The following LDHC variants were observed in gnomAD, a reference collection of about 807,000 sequenced individuals.
The protein encoded by LDHC is lactate dehydrogenase C, also known as L-lactate dehydrogenase C chain.
Under a neutral mutation model 30.2 loss-of-function variants are expected in LDHC, and 20 were observed. That is an observed-to-expected ratio of 0.66 (90% CI 0.47 to 0.96). The LOEUF (loss-of-function observed/expected upper bound fraction) is 0.96. LDHC is among the 40% of genes least tolerant of loss of function. The pLI is 0.00. For missense variants in LDHC, 362 were observed against 394.9 expected, an observed-to-expected ratio of 0.92 and a Z score of 0.71; for synonymous variants, 139 against 132.7, an observed-to-expected ratio of 1.05 and a Z score of -0.32.
intron 6 of LDHC, among the ~76,000 whole-genome samples, chr11:18,442,930 C>A (rs1292089390): frequency 1.3e-5 from 2 of 151,978 alleles, no homozygotes; most frequent in Non-Finnish European, 2.9e-5. Flanking sequence ...CCTGAAGCCA[C>A]CACGCAGTTT....
Position 18,419,301 on chromosome 11 carries a change from C to T in LDHC, c.244+4000C>T, listed in dbSNP as rs569288023. On this transcript the variant is annotated intron_variant, in intron 3 of 7. Coordinates refer to ENST00000541669, the MANE Select transcript of LDHC (RefSeq NM_017448.5). The stretch of plus-strand genomic sequence containing the variant: ...AACACAGGTGGTAGACCAGATATCG[C>T]TTGTCTGCCAACAGTAGTTTACCAT... 1.1e-3 allele frequency among the ~76,000 whole-genome samples: 173 copies of T among 152,352 alleles called. 1 individual carries two copies. Among genetic ancestry groups the T allele is most frequent in the Middle Eastern group, 3.4e-3 (1 of 294 alleles).
intron 4 of LDHC, among the ~76,000 whole-genome samples, chr11:18,434,385 C>T (rs1433500716): frequency 6.6e-6 from 1 of 152,018 alleles, no homozygotes; most frequent in African/African-American, 2.4e-5. Context: ...GTTGACGAGC[C>T]TTCTTTTGTT....
At position 18,429,936 on chromosome 11, in the gene LDHC, T is replaced by C. The variant is rs1848234915; in HGVS notation, c.418+26T>C. 5 of 1,416,652 alleles carry C rather than the reference T, an allele frequency of 3.5e-6. No individual in the cohort carries two copies. In the East Asian group the frequency reaches 1.1e-4, roughly 33 times the overall value. 87.8% of individuals were successfully genotyped at this position (1,416,652 alleles called of 1,614,324 possible). ...GTGAGTCTTCTCTCTTCCATTCTAT[T>C]GCATAAGGATGATCTTTCCATACCA... On this transcript the variant is annotated intron_variant, in intron 4 of 7. Transcript: ENST00000541669.
intron 3 of LDHC, among the ~76,000 whole-genome samples, chr11:18,428,579 A>G (rs2134057147): frequency 6.6e-6 from 1 of 152,198 alleles, no homozygotes; most frequent in Admixed American, 6.5e-5. Flanking sequence ...GCTTTTTAAA[A>G]AAGTCCAGTA....
chr11:18,420,094 G>A (rs2658553), intron 3 of LDHC, among the ~76,000 whole-genome samples: 115,191 of 151,588 alleles, frequency 0.76, 44,145 homozygotes, highest in East Asian at 0.95. Flanking sequence ...CTCCGTCTTA[G>A]AACAACAACA....
At chr11:18,436,481 G>GT (rs35976847) in intron 5 of LDHC, among the ~76,000 whole-genome samples, 58,796 of 107,950 alleles carry the variant, frequency 0.54, 17,692 homozygotes, top group South Asian at 0.69. Context: ...ATAATACAAA[G>GT]TTTTTTTTTT....
intron 3 of LDHC, among the ~76,000 whole-genome samples, chr11:18,421,123 A>T (rs1236125903): frequency 6.6e-6 from 1 of 151,994 alleles, no homozygotes. Flanking sequence ...GTGTGATCTC[A>T]GCTCTCTGCA....
At chr11:18,444,889 T>C (rs1041645765) in intron 6 of LDHC, among the ~76,000 whole-genome samples, 1 of 151,756 alleles carries the variant, frequency 6.6e-6, no homozygotes, top group African/African-American at 2.4e-5. Context: ...AAATATTAAT[T>C]GTAGGAAATA....
intron 3 of LDHC, among the ~76,000 whole-genome samples, chr11:18,417,504 C>T (rs916942383): frequency 1.3e-5 from 2 of 152,092 alleles, no homozygotes; most frequent in African/African-American, 2.4e-5. Flanking sequence ...GGTGATCCTC[C>T]CACCTCACCC....
chr11:18,434,989 C>T (rs73438668), intron 5 of LDHC, 76 bp downstream of exon 5: 135,569 of 1,007,844 alleles, frequency 0.13, 9,650 homozygotes, highest in African/African-American at 0.22. Context: ...AAAGTTTTTT[C>T]CCTGATATTA....
chr11:18,434,407 G>A (rs771984167), intron 4 of LDHC, among the ~76,000 whole-genome samples: 25 of 152,088 alleles, frequency 1.6e-4, no homozygotes, highest in Non-Finnish European at 2.8e-4. Context: ...TATTACCAAA[G>A]TTGGTTTTCT....
chr11:18,413,718 C>T (rs958897106), intron 2 of LDHC, among the ~76,000 whole-genome samples: 1 of 152,160 alleles, frequency 6.6e-6, no homozygotes, highest in Non-Finnish European at 1.5e-5. Context: ...GCCTCAGCCT[C>T]CCAAAGTGCT....
In LDHC at chr11:18,451,084, G is replaced by A; in HGVS notation, c.956G>A (p.Ser319Asn). The A allele has an allele frequency of 6.4e-7, 1 of 1,569,448 alleles. No homozygotes were observed. The highest frequency in any genetic ancestry group is 8.6e-7 in the Non-Finnish European group (1 of 1,164,934). Residue 319 changes from serine to asparagine, a missense_variant, in exon 8 of 8, where the codon AGT becomes AAT. Physicochemically the swap from Ser to Asn is conservative, Grantham distance 46. Transcript: ENST00000541669. ...NSEEEALFKK[S>N]AETLWNIQKD... is the part of the protein sequence containing the mutation. ...GAGGAGGAGGCCCTTTTCAAGAAGAGTGCAGAAACACTTTGGAATATTCAA... is the reference window on the plus strand; with the variant it reads ...GAGGAGGAGGCCCTTTTCAAGAAGAATGCAGAAACACTTTGGAATATTCAA...
chr11:18,438,225 G>A (rs982017065), intron 5 of LDHC, among the ~76,000 whole-genome samples: 5 of 152,148 alleles, frequency 3.3e-5, no homozygotes, highest in African/African-American at 1.2e-4. Context: ...GTGTCACATA[G>A]TGAGGGCAGA....
At chr11:18,435,563 C>G (rs562065767) in intron 5 of LDHC, among the ~76,000 whole-genome samples, 43 of 152,184 alleles carry the variant, frequency 2.8e-4, no homozygotes, top group African/African-American at 9.4e-4. Flanking sequence ...CCAGTTGAAC[C>G]TCTTTTCTTT....
At chr11:18,429,116 C>CTTTTTTTTTTTTTTTTTTTTTTTT (rs36038254) in intron 3 of LDHC, among the ~76,000 whole-genome samples, 1 of 93,924 alleles carries the variant, frequency 1.1e-5, no homozygotes, top group African/African-American at 4.1e-5. Flanking sequence ...TCATTTTGGT[C>CTTTTTTTTTTTTTTTTTTTTTTTT]TTTTTTTTTT....
At chr11:18,412,660 T>C in intron 1 of LDHC, 49 bp from the exon 2 acceptor site, 1 of 1,542,158 alleles carries the variant, frequency 6.5e-7, no homozygotes, top group South Asian at 1.2e-5. Context: ...AGGTAGTTTC[T>C]TAGATGTTCA....
intron 3 of LDHC, among the ~76,000 whole-genome samples, chr11:18,425,911 A>C (rs1005604674): frequency 6.6e-6 from 1 of 152,008 alleles, no homozygotes; most frequent in African/African-American, 2.4e-5. Flanking sequence ...ACTGCACTCC[A>C]GCCTGGGCAA....
intron 3 of LDHC, among the ~76,000 whole-genome samples, chr11:18,420,287 A>T (rs1182677897): frequency 6.6e-6 from 1 of 152,200 alleles, no homozygotes; most frequent in Non-Finnish European, 1.5e-5. Context: ...ACCACTGAAA[A>T]ATATCAACCC....
Sources: allele counts gnomAD v4.1 joint callset (sites outside exome capture counted in the v4.1 genomes callset), GRCh38; gene constraint gnomAD v4.1.1; transcripts MANE v1.5; gene names NCBI Gene and HGNC (gene_info 2026-07-23, HGNC 2026-07-21).